Variants in ARHGAP22 observed in about 807,000 individuals in gnomAD.
ARHGAP22 encodes Rho GTPase activating protein 22.
In ARHGAP22, 48 loss-of-function variants were observed where a neutral mutation model predicts 59.1. The observed-to-expected ratio is 0.81, with a 90% CI of 0.64 to 1.03. The LOEUF (loss-of-function observed/expected upper bound fraction) is 1.03. ARHGAP22 is among the 50% of genes least tolerant of loss of function. The pLI, the probability that ARHGAP22 is intolerant of heterozygous loss-of-function variation, is 0.00. For missense variants in ARHGAP22, 1,015 were observed against 958.7 expected (o/e 1.06, Z -0.78); for synonymous variants, 445 against 416.4 (o/e 1.07, Z -0.84).
intron 3 of ARHGAP22, among the ~76,000 whole-genome samples, chr10:48,549,762 C>T (rs949997836): frequency 6.6e-6 from 1 of 152,200 alleles, no homozygotes; most frequent in Admixed American, 6.5e-5. Flanking sequence ...CCTCCTCTCA[C>T]TCAGTCCGCT....
rs558161548 is a variant in ARHGAP22 at position 48,470,102 on chromosome 10, T to G, written c.451+9534A>C. On this transcript the variant is annotated intron_variant, in intron 4 of 9. Coordinates refer to ENST00000249601, the MANE Select transcript of ARHGAP22 (RefSeq NM_021226.4). ...GGTCCCCAGGGGTTCATCCCCATCT[T>G]ATCAATAATGGAGACAAACTCTTTT... Among the ~76,000 whole-genome samples the G allele has an allele frequency of 8.5e-5, 13 of 152,314 alleles. No homozygotes were observed. In the South Asian group the frequency reaches 2.7e-3, roughly 32 times the overall value.
chr10:48,604,680 G>C, intron 1 of ARHGAP22, 83 bp downstream of exon 1: 1 of 1,606,774 alleles, frequency 6.2e-7, no homozygotes, highest in Admixed American at 1.7e-5. Context: ...GTGACACATG[G>C]CGTGACGGCT....
chr10:48,647,737 G>T (rs1397986850), intron 1 of ARHGAP22, among the ~76,000 whole-genome samples: 1 of 152,208 alleles, frequency 6.6e-6, no homozygotes, highest in Non-Finnish European at 1.5e-5. Context: ...ATATGCATGT[G>T]AATGCTCATA....
chr10:48,440,933 A>T, the ARHGAP22 span, among the ~76,000 whole-genome samples: 1 of 152,240 alleles, frequency 6.6e-6, no homozygotes, highest in African/African-American at 2.4e-5. Flanking sequence ...CGCCAAGCTT[A>T]GCGTTTGGAC....
At chr10:48,650,700 T>G (rs528305159) in intron 1 of ARHGAP22, among the ~76,000 whole-genome samples, 3 of 152,334 alleles carry the variant, frequency 2.0e-5, no homozygotes, top group Admixed American at 1.3e-4. Flanking sequence ...TATTTCATCA[T>G]AGAAATCTGG....
At chr10:48,591,345 C>G (rs1228636110) in intron 1 of ARHGAP22, among the ~76,000 whole-genome samples, 1 of 152,170 alleles carries the variant, frequency 6.6e-6, no homozygotes, top group African/African-American at 2.4e-5. Flanking sequence ...CGAAGTCACC[C>G]CGAGGCACAG....
At chr10:48,605,218 T>TC, upstream of ARHGAP22, 1 of 950,542 alleles carries the variant, frequency 1.1e-6, no homozygotes, top group Non-Finnish European at 1.3e-6. Context: ...GTACTGGGGT[T>TC]CCGGCCATCC....
chr10:48,568,507 T>C (rs2058192129), intron 2 of ARHGAP22, among the ~76,000 whole-genome samples: 1 of 152,212 alleles, frequency 6.6e-6, no homozygotes. Context: ...GGTGGCTGCA[T>C]AAGACACTGC....
chr10:48,467,061 T>G (rs1365428374), intron 4 of ARHGAP22, among the ~76,000 whole-genome samples: 1 of 152,196 alleles, frequency 6.6e-6, no homozygotes, highest in Non-Finnish European at 1.5e-5. Context: ...AGGTGCTGGC[T>G]TCACAGTGGG....
intron 1 of ARHGAP22, among the ~76,000 whole-genome samples, chr10:48,599,766 G>T (rs1002222219): frequency 6.6e-6 from 1 of 152,188 alleles, no homozygotes; most frequent in Admixed American, 6.5e-5. Flanking sequence ...GACTTTCAGG[G>T]GAACAAATCT....
At chr10:48,448,856 C>G (rs893804871) in intron 9 of ARHGAP22, among the ~76,000 whole-genome samples, 1 of 152,206 alleles carries the variant, frequency 6.6e-6, no homozygotes, top group African/African-American at 2.4e-5. Flanking sequence ...GGAGTCAATG[C>G]GAGCAGCAAA....
chr10:48,533,609 G>T (rs994033778), intron 3 of ARHGAP22, among the ~76,000 whole-genome samples: 1 of 152,198 alleles, frequency 6.6e-6, no homozygotes, highest in Non-Finnish European at 1.5e-5. Flanking sequence ...TCTCTAAGGG[G>T]CAGATAGTAA....
intron 1 of ARHGAP22, among the ~76,000 whole-genome samples, chr10:48,602,086 T>C (rs1021180066): frequency 6.6e-6 from 1 of 152,206 alleles, no homozygotes; most frequent in African/African-American, 2.4e-5. Flanking sequence ...CATTATAGTG[T>C]AGTCATGAGA....
intron 1 of ARHGAP22, among the ~76,000 whole-genome samples, chr10:48,647,225 C>G (rs189503812): frequency 1.3e-5 from 2 of 151,968 alleles, no homozygotes; most frequent in African/African-American, 4.8e-5. Context: ...GAAACCCTGT[C>G]TCTACTAAAA....
intron 3 of ARHGAP22, among the ~76,000 whole-genome samples, chr10:48,525,047 G>A (rs536338079): frequency 6.6e-6 from 1 of 152,298 alleles, no homozygotes; most frequent in South Asian, 2.1e-4. Context: ...AAGTCTTGGA[G>A]AGGATTTGGG....
intron 3 of ARHGAP22, among the ~76,000 whole-genome samples, chr10:48,514,748 A>C (rs2053124181): frequency 2.0e-5 from 3 of 152,226 alleles, no homozygotes. Flanking sequence ...CAGTACTTAC[A>C]AAACTCCAGT....
chr10:48,628,698 A>T (rs988003652), intron 1 of ARHGAP22, among the ~76,000 whole-genome samples: 56 of 152,222 alleles, frequency 3.7e-4, no homozygotes, highest in African/African-American at 1.2e-3. Flanking sequence ...CCTTGACAAT[A>T]TAGTCAAAGT....
chr10:48,534,800 T>TA (rs1211207332), intron 3 of ARHGAP22, among the ~76,000 whole-genome samples: 1 of 152,214 alleles, frequency 6.6e-6, no homozygotes, highest in Non-Finnish European at 1.5e-5. Context: ...GGGTGATCCT[T>TA]ACTTTCTTAC....
At chr10:48,605,138 G>C, upstream of ARHGAP22, 5 of 1,202,530 alleles carry the variant, frequency 4.2e-6, no homozygotes, top group Non-Finnish European at 5.2e-6. Context: ...AGCTGAGCGC[G>C]GGGGCGGGGC....
Sources: gnomAD v4.1 joint callset for allele counts (sites outside exome capture counted in the v4.1 genomes callset) on GRCh38, gnomAD v4.1.1 for gene constraint, MANE v1.5 for transcripts, NCBI Gene and HGNC (gene_info 2026-07-23, HGNC 2026-07-21) for gene names.